The following NLRP7 variants were observed in gnomAD, a reference collection of about 807,000 sequenced individuals.
NLRP7 encodes the protein NACHT, LRR and PYD domains-containing protein 7.
A neutral mutation model predicts 85.5 loss-of-function variants in NLRP7; 72 were observed. The observed-to-expected ratio is 0.84, with a 90% CI of 0.70 to 1.02. The LOEUF (loss-of-function observed/expected upper bound fraction) is 1.02. NLRP7 is among the 50% of genes least tolerant of loss of function. The pLI, the probability that NLRP7 is intolerant of heterozygous loss-of-function variation, is 0.00. For synonymous variants in NLRP7, 550 were observed against 505.2 expected (o/e 1.09, Z -1.19); for missense variants, 1,243 against 1,219.5 (o/e 1.02, Z -0.29).
rs67176965 is a variant in NLRP7, at chr19:54,931,685, C to CA, written c.2643-1020dup. Among the ~76,000 whole-genome samples the CA allele has an allele frequency of 5.4e-3, 699 of 129,720 alleles. 7 individuals are homozygous for CA. Among genetic ancestry groups the CA allele is most frequent in the Non-Finnish European group, 7.7e-3 (460 of 60,040 alleles). The allele number at this position is 129,720 out of a possible 152,430, so 85.1% of individuals were successfully genotyped here. A position where few individuals can be genotyped will look rare whatever the true frequency, so the allele number is the denominator to read the frequency against. On this transcript the variant is annotated intron_variant, in intron 8 of 9. Transcript: ENST00000340844. Reference sequence around the variant, plus strand: ...CCTGGGCAAGAGCGAAACTCCATCTCAAAAAAAAAAAAAAATTAGCCAGGT... The same window carrying CA: ...CCTGGGCAAGAGCGAAACTCCATCTCAAAAAAAAAAAAAAAATTAGCCAGGT...
At chr19:54,938,319 G>A (rs1412456896) in intron 4 of NLRP7, 78 bp from the exon 5 acceptor site, 3 of 1,161,532 alleles carry the variant, frequency 2.6e-6, no homozygotes, top group Non-Finnish European at 3.9e-6. Context: ...ACATTTCAAT[G>A]GCAAAAACCA....
At chr19:54,952,310 C>T (rs370008370), upstream of NLRP7, among the ~76,000 whole-genome samples, 2 of 151,808 alleles carry the variant, frequency 1.3e-5, no homozygotes, top group African/African-American at 4.8e-5. Context: ...ACCCTAGCCC[C>T]GGCCGGGTGC....
At chr19:54,963,695 G>C (rs191249191) in intron 1 of NLRP7, among the ~76,000 whole-genome samples, 8 of 151,360 alleles carry the variant, frequency 5.3e-5, no homozygotes, top group African/African-American at 1.9e-4. Flanking sequence ...ACAGTGGCAC[G>C]CGCCTGTAAT....
intron 1 of NLRP7, among the ~76,000 whole-genome samples, chr19:54,944,523 A>T (rs1409296732): frequency 1.3e-5 from 2 of 151,618 alleles, no homozygotes; most frequent in African/African-American, 4.8e-5. Context: ...TACTGAAGGA[A>T]CTCAGAGACC....
At chr19:54,947,481 A>G in exon 1 of NLRP7, 1 of 1,289,758 alleles carries the variant, frequency 7.8e-7, no homozygotes, top group Non-Finnish European at 1.0e-6. Flanking sequence ...CCCTCAGGTC[A>G]GGTCTTGCTT....
chr19:54,960,784 A>G (rs1049173042), intron 1 of NLRP7, among the ~76,000 whole-genome samples: 1 of 151,224 alleles, frequency 6.6e-6, no homozygotes, highest in Admixed American at 6.6e-5. Flanking sequence ...TTTAGTAGAG[A>G]CGGGGTTTCA....
chr19:54,954,886 G>T (rs2069801666), intron 1 of NLRP7, among the ~76,000 whole-genome samples: 1 of 151,820 alleles, frequency 6.6e-6, no homozygotes, highest in Admixed American at 6.6e-5. Flanking sequence ...AGCCCTATGG[G>T]CTGCTGTCTA....
intron 6 of NLRP7, among the ~76,000 whole-genome samples, chr19:54,935,466 C>A (rs2068872361): frequency 6.6e-6 from 1 of 152,110 alleles, no homozygotes; most frequent in South Asian, 2.1e-4. Context: ...GAGGCCGAGA[C>A]AGGCGGATCA....
At chr19:54,926,974 C>T (rs1486116727) in intron 9 of NLRP7, among the ~76,000 whole-genome samples, 2 of 149,116 alleles carry the variant, frequency 1.3e-5, no homozygotes, top group African/African-American at 2.5e-5. Context: ...CCTGTAATCC[C>T]AGCTACTCAG....
intron 1 of NLRP7, among the ~76,000 whole-genome samples, chr19:54,946,880 T>C (rs1161435413): frequency 6.6e-6 from 1 of 152,106 alleles, no homozygotes. Flanking sequence ...CCTCAAGTGA[T>C]CCACCCGCCT....
intron 1 of NLRP7, among the ~76,000 whole-genome samples, chr19:54,943,563 C>G (rs368250713): frequency 6.8e-6 from 1 of 147,354 alleles, no homozygotes; most frequent in Non-Finnish European, 1.5e-5. Flanking sequence ...ATCGCGCCAC[C>G]GCACTCCAGC....
intron 9 of NLRP7, among the ~76,000 whole-genome samples, chr19:54,924,684 C>G (rs1207276409): frequency 6.6e-6 from 1 of 152,090 alleles, no homozygotes; most frequent in African/African-American, 2.4e-5. Flanking sequence ...GCCTATAATT[C>G]CAGCACTTTG....
At chr19:54,961,922 G>C (rs1315331583) in intron 1 of NLRP7, among the ~76,000 whole-genome samples, 1 of 151,714 alleles carries the variant, frequency 6.6e-6, no homozygotes, top group Non-Finnish European at 1.5e-5. Context: ...ACTTTGGGAG[G>C]CTGAGGCGGG....
At position 54,927,517 on chromosome 19, in the gene NLRP7, C is replaced by A. The variant is rs191110341; in HGVS notation, c.2810+2982G>T. 2.2e-6 allele frequency: 3 copies of A among 1,354,366 alleles called. No homozygotes were observed. The African/African-American group carries it at 4.3e-5, about 19-fold the overall frequency. The allele number at this position is 1,354,366 out of a possible 1,614,324, so 83.9% of individuals were successfully genotyped here. ...GTTGCGGTGAGCCAAGATTGCGCCA[C>A]TGCACTCCAGCCTGAATGACAGAGC... On this transcript the variant is annotated intron_variant, in intron 9 of 9. Transcript: ENST00000340844.
chr19:54,933,377 C>T (rs558735137), intron 8 of NLRP7, among the ~76,000 whole-genome samples, 192 bp downstream of exon 8: 15 of 152,282 alleles, frequency 9.9e-5, no homozygotes, highest in Middle Eastern at 3.4e-3. Flanking sequence ...CATCTCCTGA[C>T]CTCATGATCC....
exon 4 of NLRP7, chr19:54,938,988 G>A: frequency 1.2e-6 from 2 of 1,614,184 alleles, no homozygotes; most frequent in South Asian, 2.2e-5. Context: ...CAATGCTTCA[G>A]GCTGAAGGAA....
At position 54,944,461 on chromosome 19, in the gene NLRP7, A is replaced by G. The variant is rs565996426; in HGVS notation, c.-39-2711T>C. Reference sequence around the variant, plus strand: ...CTGACCCTCTCCCCACTGTTACCCTATTGTCCTGCCACATCCCCGTCTCCG... The same window carrying G: ...CTGACCCTCTCCCCACTGTTACCCTGTTGTCCTGCCACATCCCCGTCTCCG... On this transcript the variant is annotated intron_variant, in intron 1 of 9. Transcript: ENST00000340844. Among the ~76,000 whole-genome samples the G allele has an allele frequency of 3.9e-5, 6 of 152,054 alleles. No homozygotes were observed. In the East Asian group the frequency reaches 1.2e-3, roughly 29 times the overall value.
intron 1 of NLRP7, among the ~76,000 whole-genome samples, chr19:54,960,566 G>A (rs1011951074): frequency 1.4e-5 from 1 of 73,686 alleles, no homozygotes; most frequent in Admixed American, 1.0e-4. Flanking sequence ...AAAGTTAGAA[G>A]AATTGTAACA....
At chr19:54,931,259 TA>T (rs2068664775) in intron 8 of NLRP7, among the ~76,000 whole-genome samples, 7 of 151,344 alleles carry the variant, frequency 4.6e-5, no homozygotes, top group Admixed American at 4.0e-4. Context: ...CCATCTCTAC[TA>T]AAAAATACAA....
Sources: allele counts gnomAD v4.1 joint callset (sites outside exome capture counted in the v4.1 genomes callset), GRCh38; gene constraint gnomAD v4.1.1; transcripts MANE v1.5; gene names NCBI Gene and HGNC (gene_info 2026-07-23, HGNC 2026-07-21).